FBXO42: variants seen among roughly 807,000 people sequenced by gnomAD.
The protein encoded by FBXO42 is F-box only protein 42.
FBXO42 carries 12 observed loss-of-function variants against 71.7 expected under a neutral mutation model. The ratio of observed to expected loss-of-function variants is 0.17; its 90% confidence interval spans 0.11 to 0.27. The LOEUF is 0.27. FBXO42 is among the 10% of genes least tolerant of loss of function. FBXO42 has a pLI of 1.00. For synonymous variants in FBXO42, 325 were observed against 327.5 expected, an observed-to-expected ratio of 0.99 and a Z score of 0.08; for missense variants, 707 against 911.9, an observed-to-expected ratio of 0.78 and a Z score of 2.89.
intron 1 of FBXO42, among the ~76,000 whole-genome samples, chr1:16,316,239 C>T (rs2082364734): frequency 6.6e-6 from 1 of 150,764 alleles, no homozygotes. Context: ...CAAGACGATT[C>T]ACTTAACCTT....
At chr1:16,329,821 C>T (rs2082481583) in intron 1 of FBXO42, among the ~76,000 whole-genome samples, 1 of 151,608 alleles carries the variant, frequency 6.6e-6, no homozygotes, top group African/African-American at 2.4e-5. Context: ...TGGTGGTGCG[C>T]ACCTGTAAGC....
rs61465934 is a variant in FBXO42 at position 16,338,993 on chromosome 1, T to C, written c.-18+13262A>G. Among the ~76,000 whole-genome samples, 1,260 of 152,048 alleles carry C rather than the reference T, an allele frequency of 8.3e-3. 16 individuals carry two copies. The highest frequency in any genetic ancestry group is 0.028 in the African/African-American group (1,176 of 41,476). Reference sequence around the variant, plus strand: ...CCCCGGCTAATTTCTGTATTTTTAGTAGAGATGGGGTTTCACCATGTTGGC... The same window carrying C: ...CCCCGGCTAATTTCTGTATTTTTAGCAGAGATGGGGTTTCACCATGTTGGC... On this transcript the variant is annotated intron_variant, in intron 1 of 9. Coordinates refer to ENST00000375592, the MANE Select transcript of FBXO42 (RefSeq NM_018994.3).
At position 16,262,816 on chromosome 1, in the gene FBXO42, T is replaced by C. The variant is rs567037011; in HGVS notation, c.503-6057A>G. Among the ~76,000 whole-genome samples the C allele has an allele frequency of 2.9e-4, 44 of 151,674 alleles. 1 individual carries two copies. Among genetic ancestry groups the C allele is most frequent in the Non-Finnish European group, 5.5e-4 (37 of 67,886 alleles). Reference sequence around the variant, plus strand: ...CTCCGACTTCTCAAGCTCAGGTGATTCTCACACCTCAGCCTCCCAAGTAGC... The same window carrying C: ...CTCCGACTTCTCAAGCTCAGGTGATCCTCACACCTCAGCCTCCCAAGTAGC... On this transcript the variant is annotated intron_variant, in intron 4 of 9. Transcript: ENST00000375592.
At chr1:16,300,892 CCTT>C (rs1557591527) in intron 3 of FBXO42, among the ~76,000 whole-genome samples, 5 of 140,114 alleles carry the variant, frequency 3.6e-5, no homozygotes, top group African/African-American at 5.5e-5. Context: ...CTAGAATTGG[CCTT>C]TTTTTTTTTT....
At chr1:16,286,540 A>G (rs2082024136) in intron 4 of FBXO42, among the ~76,000 whole-genome samples, 2 of 152,138 alleles carry the variant, frequency 1.3e-5, no homozygotes, top group Non-Finnish European at 1.5e-5. Flanking sequence ...CCCTTGACAC[A>G]TGGGGATTAT....
chr1:16,270,674 C>CAAAAAAAAAAAAAAAAAAAAAAAAA (rs34861558), intron 4 of FBXO42, among the ~76,000 whole-genome samples: 1 of 14,904 alleles, frequency 6.7e-5, no homozygotes, highest in Non-Finnish European at 1.2e-4. Context: ...CTCTGTCTCT[C>CAAAAAAAAAAAAAAAAAAAAAAAAA]AAAAAAAAAA....
intron 4 of FBXO42, among the ~76,000 whole-genome samples, chr1:16,265,390 C>T (rs913137792): frequency 1.3e-5 from 2 of 152,026 alleles, no homozygotes; most frequent in African/African-American, 4.8e-5. Context: ...CGTGCCCGGC[C>T]TAAAAAATAT....
At chr1:16,283,495 T>TGTTTTTTTTTTG in intron 4 of FBXO42, among the ~76,000 whole-genome samples, 1 of 68,736 alleles carries the variant, frequency 1.5e-5, no homozygotes, top group South Asian at 3.8e-4. Context: ...CTGTGGCAAG[T>TGTTTTTTTTTTG]TTTTTTTTTT....
chr1:16,322,061 C>A (rs1418071402), intron 1 of FBXO42, among the ~76,000 whole-genome samples: 1 of 151,568 alleles, frequency 6.6e-6, no homozygotes, highest in Middle Eastern at 3.2e-3. Context: ...TCCCAGCTAC[C>A]TGGGACATGT....
At chr1:16,303,753 T>A (rs1033841848) in intron 3 of FBXO42, among the ~76,000 whole-genome samples, 13 of 151,912 alleles carry the variant, frequency 8.6e-5, no homozygotes, top group Admixed American at 6.6e-4. Flanking sequence ...ATTTTTATTT[T>A]ATTTATTTTT....
In FBXO42 at chr1:16,250,628, C is replaced by G. The variant is rs776239192; in HGVS notation, c.*42G>C. 6.4e-7 allele frequency: 1 copy of G among 1,570,012 alleles called. No individual in the cohort carries two copies. The highest frequency in any genetic ancestry group is 8.6e-7 in the Non-Finnish European group (1 of 1,158,758). ...CCAAATGCTTACACACTGGAAAATT[C>G]CAAATTAAAAGCCACAGAAAAGGAA... is the stretch of plus-strand genomic sequence containing the variant. On this transcript the variant is annotated 3_prime_UTR_variant, in exon 10 of 10. Transcript: ENST00000375592. The surrounding 1 kb of genome is among the most constrained non-coding windows in gnomAD (Gnocchi z 4.7).
intron 1 of FBXO42, among the ~76,000 whole-genome samples, chr1:16,333,444 C>CA (rs1427008429): frequency 3.6e-5 from 5 of 138,322 alleles, no homozygotes; most frequent in African/African-American, 7.9e-5. Flanking sequence ...AGACCCCCCC[C>CA]CCCCATTTCC....
intron 1 of FBXO42, among the ~76,000 whole-genome samples, chr1:16,347,105 A>T (rs2082660092): frequency 6.6e-6 from 1 of 152,160 alleles, no homozygotes; most frequent in Non-Finnish European, 1.5e-5. Flanking sequence ...TACATTTATC[A>T]GATTTATATA....
At chr1:16,336,864 A>G (rs2082557523) in intron 1 of FBXO42, among the ~76,000 whole-genome samples, 1 of 152,082 alleles carries the variant, frequency 6.6e-6, no homozygotes, top group African/African-American at 2.4e-5. Context: ...AAACGCCCGT[A>G]ATTCTAGCTA....
At chr1:16,324,219 A>G (rs977773050) in intron 1 of FBXO42, among the ~76,000 whole-genome samples, 4 of 152,190 alleles carry the variant, frequency 2.6e-5, no homozygotes, top group African/African-American at 9.6e-5. Context: ...AACATTTGCT[A>G]TATGTAAAAA....
rs747210971 is a variant in FBXO42 at position 16,251,370 on chromosome 1, C to CG, written c.1453dup (p.Arg485ProfsTer28). 6.2e-7 allele frequency: 1 copy of CG among 1,614,108 alleles called. No individual in the cohort carries two copies. The highest frequency in any genetic ancestry group is 8.5e-7 in the Non-Finnish European group (1 of 1,180,010). On this transcript the variant is annotated frameshift_variant, in exon 10 of 10. Transcript: ENST00000375592. LOFTEE classifies it high-confidence loss of function. This position sits in a 1 kb window ranked among gnomAD's most constrained non-coding sequence, Gnocchi z 4.5. ...TTTCTGATCTGGTAGTGATCCTCGT[C>CG]GGGGGGCCAAAGAAAGTCCTATTTT...
chr1:16,313,370 AAGAG>A (rs1193278764), intron 2 of FBXO42, among the ~76,000 whole-genome samples: 142 of 146,560 alleles, frequency 9.7e-4, no homozygotes, highest in African/African-American at 3.3e-3. Flanking sequence ...GAAAGAAAGA[AAGAG>A]AAAAGAAAGA....
intron 4 of FBXO42, among the ~76,000 whole-genome samples, chr1:16,289,051 C>G (rs1203775045): frequency 6.6e-6 from 1 of 151,352 alleles, no homozygotes; most frequent in Non-Finnish European, 1.5e-5. Flanking sequence ...GTCTGGTTTA[C>G]TTTCTTGCCT....
intron 4 of FBXO42, among the ~76,000 whole-genome samples, chr1:16,276,504 C>T (rs542343952): frequency 3.3e-4 from 50 of 152,210 alleles, no homozygotes; most frequent in Non-Finnish European, 6.2e-4. Context: ...TGGTCCATGG[C>T]ACTACCAAGT....
Sources: gnomAD v4.1 joint callset for allele counts (sites outside exome capture counted in the v4.1 genomes callset) on GRCh38, gnomAD v4.1.1 for gene constraint, Gnocchi (gnomAD v3.1) non-coding constraint, MANE v1.5 for transcripts, NCBI Gene and HGNC (gene_info 2026-07-23, HGNC 2026-07-21) for gene names.